The following GDA variants were observed in gnomAD, a reference collection of about 807,000 sequenced individuals.
GDA encodes the protein cytoplasmic PSD-95 interactor.
A neutral mutation model predicts 59.6 loss-of-function variants in GDA; 18 were observed. The ratio of observed to expected loss-of-function variants is 0.30; its 90% confidence interval spans 0.21 to 0.45. The LOEUF (loss-of-function observed/expected upper bound fraction) is 0.45, where lower values mean the gene tolerates loss of function less well. Among genes scored for constraint, GDA ranks in the 20% least tolerant of loss-of-function variants. The probability of loss-of-function intolerance (pLI) is 1.00; values close to 1 mark genes in which losing one functional copy is unlikely to be tolerated. For missense variants in GDA, 427 were observed against 552.3 expected, an observed-to-expected ratio of 0.77 and a Z score of 2.27; for synonymous variants, 201 against 201.1, an observed-to-expected ratio of 1.00 and a Z score of 0.00.
At chr9:72,181,314 T>C (rs1488952514) in intron 1 of GDA, among the ~76,000 whole-genome samples, 1 of 152,106 alleles carries the variant, frequency 6.6e-6, no homozygotes, top group East Asian at 1.9e-4. Context: ...GCTTATCATG[T>C]CCTTACTTTT....
chr9:72,232,163 G>A (rs979142681), intron 10 of GDA, among the ~76,000 whole-genome samples: 40 of 152,152 alleles, frequency 2.6e-4, no homozygotes, highest in Non-Finnish European at 4.7e-4. Context: ...TTTTTTTAAT[G>A]GGTATGGGGC....
intron 1 of GDA, among the ~76,000 whole-genome samples, chr9:72,193,325 T>C (rs1198100127): frequency 6.6e-6 from 1 of 152,256 alleles, no homozygotes. Context: ...CTAAGCTATA[T>C]CTGCTTTAGG....
At chr9:72,168,781 C>G (rs1166596468) in intron 1 of GDA, among the ~76,000 whole-genome samples, 1 of 152,130 alleles carries the variant, frequency 6.6e-6, no homozygotes, top group Non-Finnish European at 1.5e-5. Flanking sequence ...TATAAATTAA[C>G]TATTCTTTAT....
intron 1 of GDA, among the ~76,000 whole-genome samples, chr9:72,168,892 T>C (rs1829642672): frequency 6.6e-6 from 1 of 152,200 alleles, no homozygotes; most frequent in African/African-American, 2.4e-5. Flanking sequence ...ATAATCCACA[T>C]GGTCTGACTT....
chr9:72,235,603 A>T (rs1263740049), intron 10 of GDA, among the ~76,000 whole-genome samples: 1 of 152,070 alleles, frequency 6.6e-6, no homozygotes, highest in South Asian at 2.1e-4. Flanking sequence ...AGGCTGAGGC[A>T]GTAGAATTGC....
At chr9:72,140,346 G>A (rs1564154473) in intron 1 of GDA, among the ~76,000 whole-genome samples, 1 of 152,184 alleles carries the variant, frequency 6.6e-6, no homozygotes, top group East Asian at 1.9e-4. Flanking sequence ...TCAGAGAATG[G>A]AGTCTGTGTG....
At position 72,174,559 on chromosome 9, in the gene GDA, A is replaced by G. The variant is rs1830336460; in HGVS notation, c.124-20941A>G. ...GGATTTTGTGTATGGAACCACTGTCATATTTTGATAAAAGAGAAGTGCCTG... is the reference window on the plus strand; with the variant it reads ...GGATTTTGTGTATGGAACCACTGTCGTATTTTGATAAAAGAGAAGTGCCTG... On this transcript the variant is annotated intron_variant, in intron 1 of 13. Coordinates refer to ENST00000358399, the MANE Select transcript of GDA (RefSeq NM_004293.5). Among the ~76,000 whole-genome samples, 5 of 152,284 alleles carry G rather than the reference A, an allele frequency of 3.3e-5. No individual in the cohort carries two copies. The South Asian group carries it at 1.0e-3, about 32-fold the overall frequency.
At position 72,245,361 on chromosome 9, in the gene GDA, C is replaced by T. The variant is rs373295085; in HGVS notation, c.1266+83C>T. 572 of 1,008,562 alleles carry T rather than the reference C, an allele frequency of 5.7e-4. 3 individuals carry two copies. The highest frequency in any genetic ancestry group is 1.3e-3 in the Middle Eastern group (6 of 4,634). 62.5% of individuals were successfully genotyped at this position (1,008,562 alleles called of 1,614,324 possible). The stretch of plus-strand genomic sequence containing the variant: ...TCCCTGTAGAAAAGAAAATAGAAAC[C>T]GAAACTTTTTAATGGAATGCAGGAA... On this transcript the variant is annotated intron_variant, in intron 12 of 13. Coordinates refer to ENST00000358399, the MANE Select transcript of GDA (RefSeq NM_004293.5).
At chr9:72,170,831 G>A (rs1490092392) in intron 1 of GDA, among the ~76,000 whole-genome samples, 1 of 152,020 alleles carries the variant, frequency 6.6e-6, no homozygotes, top group Non-Finnish European at 1.5e-5. Flanking sequence ...TGTTGTTGTT[G>A]TTGAGATAGG....
chr9:72,164,267 A>G (rs1444165494), intron 1 of GDA, among the ~76,000 whole-genome samples: 1 of 152,202 alleles, frequency 6.6e-6, no homozygotes, highest in South Asian at 2.1e-4. Flanking sequence ...GGACAATCCA[A>G]ATATCAGAGG....
intron 1 of GDA, among the ~76,000 whole-genome samples, chr9:72,174,263 GCTGT>G (rs927381426): frequency 6.6e-6 from 1 of 152,204 alleles, no homozygotes; most frequent in South Asian, 2.1e-4. Flanking sequence ...TGGGGATTTT[GCTGT>G]CTAATAGGAA....
chr9:72,149,766 G>C, intron 1 of GDA, 84 bp downstream of exon 1: 3 of 1,386,438 alleles, frequency 2.2e-6, no homozygotes, highest in Non-Finnish European at 2.9e-6. Flanking sequence ...CGTAGCCCGG[G>C]GTTCGCTCGG....
intron 3 of GDA, among the ~76,000 whole-genome samples, chr9:72,203,956 A>G (rs1266252780): frequency 6.6e-6 from 1 of 152,008 alleles, no homozygotes; most frequent in Non-Finnish European, 1.5e-5. Context: ...AGCTGAGATT[A>G]CAGGCACCTG....
At chr9:72,231,306 G>C in intron 10 of GDA, 125 bp downstream of exon 10, 1 of 608,070 alleles carries the variant, frequency 1.6e-6, no homozygotes, top group East Asian at 3.0e-5. Flanking sequence ...GCCGGGCACG[G>C]TAGCTCACGT....
At chr9:72,160,226 C>T (rs897917863) in intron 1 of GDA, among the ~76,000 whole-genome samples, 4 of 152,088 alleles carry the variant, frequency 2.6e-5, no homozygotes, top group East Asian at 3.9e-4. Context: ...GGAGAATGGC[C>T]GAAACCCGGG....
chr9:72,259,420 A>G (rs538270634), downstream of GDA, among the ~76,000 whole-genome samples: 188 of 152,294 alleles, frequency 1.2e-3, 1 homozygote, highest in Middle Eastern at 3.4e-3. Flanking sequence ...GATGCCAGGC[A>G]CTTGTTTGGG....
Position 72,136,938 on chromosome 9 carries a change from G to A in GDA, c.-100+22105G>A, listed in dbSNP as rs1413375633. ...TGCAGTGAGTGGAGATTGCGCCATT[G>A]CACTCCAGCCTTGGTCCTTGGCAGA... On this transcript the variant is annotated intron_variant, in intron 1 of 13. Coordinates refer to the GDA transcript ENST00000545168. Among the ~76,000 whole-genome samples the A allele has an allele frequency of 3.9e-5, 6 of 152,226 alleles. No homozygotes were observed. The East Asian group carries it at 1.2e-3, about 30-fold the overall frequency.
At chr9:72,196,974 T>G (rs548738101) in intron 2 of GDA, among the ~76,000 whole-genome samples, 3 of 152,278 alleles carry the variant, frequency 2.0e-5, no homozygotes, top group African/African-American at 7.2e-5. Flanking sequence ...GCCAAGTAAG[T>G]TCCAAGGCCA....
intron 1 of GDA, among the ~76,000 whole-genome samples, chr9:72,175,208 C>T (rs1830412191): frequency 6.6e-6 from 1 of 152,060 alleles, no homozygotes; most frequent in African/African-American, 2.4e-5. Context: ...ACTCTGTCAC[C>T]CAGGCTGGAG....
Sources: gnomAD v4.1 joint callset for allele counts (sites outside exome capture counted in the v4.1 genomes callset) on GRCh38, gnomAD v4.1.1 for gene constraint, MANE v1.5 for transcripts, NCBI Gene and HGNC (gene_info 2026-07-23, HGNC 2026-07-21) for gene names.